The following MARCHF6 variants were observed in gnomAD, a reference collection of about 807,000 sequenced individuals.
The protein encoded by MARCHF6 is membrane associated ring-CH-type finger 6.
Under a neutral mutation model 133.7 loss-of-function variants are expected in MARCHF6, and 31 were observed. The ratio of observed to expected loss-of-function variants is 0.23; its 90% CI spans 0.17 to 0.31. The LOEUF is 0.31. MARCHF6 is among the 10% of genes least tolerant of loss of function. MARCHF6 has a pLI of 1.00. For synonymous variants in MARCHF6, 395 were observed against 402.5 expected, an observed-to-expected ratio of 0.98 and a Z score of 0.22; for missense variants, 723 against 1,121.6, an observed-to-expected ratio of 0.64 and a Z score of 5.08.
intron 1 of MARCHF6, among the ~76,000 whole-genome samples, chr5:10,357,162 A>C (rs562009103): frequency 2.0e-5 from 3 of 151,742 alleles, no homozygotes; most frequent in Admixed American, 1.3e-4. Flanking sequence ...CCTGTAATGC[A>C]CTGAGATTTC....
intron 11 of MARCHF6, 180 bp downstream of exon 11, chr5:10,401,022 T>C (rs181777597): frequency 5.7e-4 from 305 of 534,702 alleles, no homozygotes; most frequent in African/African-American, 5.1e-3. Flanking sequence ...ATAGTGGTCA[T>C]GTTGCCAACT....
chr5:10,414,316 A>G, intron 19 of MARCHF6, 117 bp from the exon 20 acceptor site: 1 of 604,044 alleles, frequency 1.7e-6, no homozygotes. Flanking sequence ...ATTGCAGGAA[A>G]CCTGGCAACG....
intron 1 of MARCHF6, among the ~76,000 whole-genome samples, chr5:10,364,066 A>G (rs1579520703): frequency 6.6e-6 from 1 of 152,212 alleles, no homozygotes; most frequent in East Asian, 1.9e-4. Flanking sequence ...AAAACAATTG[A>G]AGTCTTTAAA....
At chr5:10,379,018 A>T (rs1736963609) in intron 3 of MARCHF6, among the ~76,000 whole-genome samples, 186 bp downstream of exon 3, 1 of 152,152 alleles carries the variant, frequency 6.6e-6, no homozygotes, top group African/African-American at 2.4e-5. Context: ...TATTTTGAAA[A>T]ACTGTATGCT....
chr5:10,394,057 C>T lies in MARCHF6; in HGVS notation c.767-25C>T, dbSNP rs549762462. ...ATTTATTATTTTTACTTCAAGTAAT[C>T]TTTAAATTGCAATTATATTTTCAGA... On this transcript the variant is annotated intron_variant, in intron 7 of 25. Transcript: ENST00000274140. The T allele has an allele frequency of 4.2e-5, 58 of 1,387,934 alleles. No individual in the cohort carries two copies. The Middle Eastern group carries it at 1.2e-3, about 28-fold the overall frequency. 86.0% of individuals were successfully genotyped at this position (1,387,934 alleles called of 1,614,324 possible). A position where few individuals can be genotyped will look rare whatever the true frequency, so the allele number is the denominator to read the frequency against.
At chr5:10,414,331 T>C (rs2126794201) in intron 19 of MARCHF6, 102 bp from the exon 20 acceptor site, 2 of 691,016 alleles carry the variant, frequency 2.9e-6, no homozygotes. Flanking sequence ...GCAACGCAAA[T>C]ATAGATGATT....
At chr5:10,362,862 T>C (rs933954309) in intron 1 of MARCHF6, among the ~76,000 whole-genome samples, 2 of 152,182 alleles carry the variant, frequency 1.3e-5, no homozygotes, top group African/African-American at 4.8e-5. Context: ...TAGTGTAGGA[T>C]AGAGTCCAGA....
chr5:10,426,861 A>T (rs762113684), intron 24 of MARCHF6, among the ~76,000 whole-genome samples: 1 of 152,220 alleles, frequency 6.6e-6, no homozygotes, highest in African/African-American at 2.4e-5. Flanking sequence ...GTGTTGTTGT[A>T]TTTAAGTTTT....
intron 9 of MARCHF6, 106 bp from the exon 10 acceptor site, chr5:10,397,187 C>T: frequency 1.4e-6 from 1 of 728,920 alleles, no homozygotes. Context: ...AAATTTCAAT[C>T]TTAGCTGTTT....
intron 6 of MARCHF6, among the ~76,000 whole-genome samples, chr5:10,390,732 G>A (rs1737777135): frequency 6.6e-6 from 1 of 152,038 alleles, no homozygotes; most frequent in African/African-American, 2.4e-5. Flanking sequence ...AGCGTTGGGG[G>A]GTATACTGAA....
At chr5:10,424,736 G>C (rs1415519912) in intron 23 of MARCHF6, among the ~76,000 whole-genome samples, 1 of 152,114 alleles carries the variant, frequency 6.6e-6, no homozygotes, top group Non-Finnish European at 1.5e-5. Context: ...AAAGGTTATT[G>C]CTCGAGGTAA....
At position 10,434,964 on chromosome 5, in the gene MARCHF6, A is replaced by T. The variant is rs998510540; in HGVS notation, c.*1280A>T. The T allele has an allele frequency of 6.6e-6, 1 of 152,648 alleles. No individual in the cohort carries two copies. The highest frequency in any genetic ancestry group is 2.4e-5 in the African/African-American group (1 of 41,468). The allele number at this position is 152,648 out of a possible 1,614,324, so 9.5% of individuals were successfully genotyped here. A position where few individuals can be genotyped will look rare whatever the true frequency, so the allele number is the denominator to read the frequency against. On this transcript the variant is annotated 3_prime_UTR_variant, in exon 26 of 26. Coordinates refer to ENST00000274140, the MANE Select transcript of MARCHF6 (RefSeq NM_005885.4). Reference sequence around the variant, plus strand: ...TGTTTTCCCTCATAACCAAAGCTTCAGGTTAGAAGTTTAGAAAAATAGAAT... The same window carrying T: ...TGTTTTCCCTCATAACCAAAGCTTCTGGTTAGAAGTTTAGAAAAATAGAAT...
chr5:10,421,263 A>G (rs1362279973), intron 22 of MARCHF6, among the ~76,000 whole-genome samples: 1 of 152,234 alleles, frequency 6.6e-6, no homozygotes, highest in African/African-American at 2.4e-5. Flanking sequence ...GCAAAAAATG[A>G]GAAGTGATCT....
intron 14 of MARCHF6, 118 bp downstream of exon 14, chr5:10,402,725 G>A (rs1206072947): frequency 1.1e-6 from 1 of 929,764 alleles, no homozygotes; most frequent in South Asian, 1.5e-5. Flanking sequence ...TTATTCTTTT[G>A]GCATGTGTAT....
At chr5:10,394,415 T>C (rs1455140795) in intron 8 of MARCHF6, among the ~76,000 whole-genome samples, 1 of 152,200 alleles carries the variant, frequency 6.6e-6, no homozygotes, top group Non-Finnish European at 1.5e-5. Flanking sequence ...CAATTTAAAT[T>C]TAAGTAGTAT....
At chr5:10,360,484 T>A (rs541925729) in intron 1 of MARCHF6, among the ~76,000 whole-genome samples, 4 of 152,134 alleles carry the variant, frequency 2.6e-5, no homozygotes, top group Non-Finnish European at 4.4e-5. Context: ...CCCTAACTCT[T>A]GTTCAGGGGA....
chr5:10,397,838 T>TCACTTC (rs1738281298), intron 10 of MARCHF6, among the ~76,000 whole-genome samples: 1 of 152,138 alleles, frequency 6.6e-6, no homozygotes, highest in Admixed American at 6.5e-5. Context: ...ACATACAAAA[T>TCACTTC]CACTTCCAAG....
Position 10,387,029 on chromosome 5 carries a change from A to G in MARCHF6, c.370A>G (p.Ser124Gly). The change falls in exon 5 of 26, where the codon AGC (serine) becomes GGC (glycine). Residue 124 changes from serine (S) to glycine (G), a missense_variant. By Grantham distance (56) the Ser-to-Gly change is moderately conservative (BLOSUM62 0). This residue lies in a region of MARCHF6 where 91 missense variants were observed against 208.8 expected (regional missense o/e 0.44). Coordinates refer to ENST00000274140, the MANE Select transcript of MARCHF6 (RefSeq NM_005885.4). ...CAAGTGCTTGTTTACTGGCTCCGTGAGCTCACTACTGACGCTGCCATTAGA... is the reference window on the plus strand; with the variant it reads ...CAAGTGCTTGTTTACTGGCTCCGTGGGCTCACTACTGACGCTGCCATTAGA... ...IYKCLFTGSV[S>G]SLLTLPLDML... 6.2e-7 allele frequency: 1 copy of G among 1,613,008 alleles called. No individual in the cohort carries two copies. Among genetic ancestry groups the G allele is most frequent in the Non-Finnish European group, 8.5e-7 (1 of 1,179,108 alleles).
rs1740778027 is a variant in MARCHF6 at position 10,439,536 on chromosome 5, A to G, written c.*5852A>G. The stretch of plus-strand genomic sequence containing the variant: ...AGTGGCAGAAAAATATTTGCAAAAC[A>G]TTTCTGATAAATGAGTTGCATCTAG... On this transcript the variant is annotated 3_prime_UTR_variant, in exon 26 of 26. Coordinates refer to ENST00000274140, the MANE Select transcript of MARCHF6 (RefSeq NM_005885.4). 6.6e-6 allele frequency: 1 copy of G among 152,216 alleles called. No homozygotes were observed. The highest frequency in any genetic ancestry group is 2.4e-5 in the African/African-American group (1 of 41,452). The allele number at this position is 152,216 out of a possible 1,614,324, so 9.4% of individuals were successfully genotyped here.
Sources: allele counts gnomAD v4.1 joint callset (sites outside exome capture counted in the v4.1 genomes callset), GRCh38; gene constraint gnomAD v4.1.1; regional missense constraint gnomAD v4.1.1; transcripts MANE v1.5; gene names NCBI Gene and HGNC (gene_info 2026-07-23, HGNC 2026-07-21).